Variants in PLXNA3 observed in about 807,000 individuals in gnomAD.
PLXNA3 encodes the protein plexin A3.
A neutral mutation model predicts 118.8 loss-of-function variants in PLXNA3; 52 were observed. The ratio of observed to expected loss-of-function variants is 0.44; its 90% CI spans 0.35 to 0.55. The LOEUF is 0.55. Ranked by LOEUF, PLXNA3 falls within the 20% of genes least tolerant of loss-of-function variation. The pLI is 0.01. For synonymous variants in PLXNA3, 925 were observed against 762.4 expected (o/e 1.21, Z -3.51); for missense variants, 1,660 against 1,730.8 (o/e 0.96, Z 0.73).
Position 154,461,521 on chromosome X carries a change from C to G in PLXNA3, c.1017C>G (p.Leu339=). ...ASPPRQTILC[L]FTLSNINAHI... is the part of the protein sequence containing the mutation. ...CACCCCGGCAGACCATCCTCTGCCT[C>G]TTCACCCTCAGCAACATCAATGCCC... Residue 339 remains leucine, a synonymous_variant, in exon 3 of 33, where the codon CTC becomes CTG. Coordinates refer to ENST00000369682, the MANE Select transcript of PLXNA3 (RefSeq NM_017514.5). 8.3e-7 allele frequency: 1 copy of G among 1,211,432 alleles called. No individual in the cohort carries two copies. Among genetic ancestry groups the G allele is most frequent in the Non-Finnish European group, 1.1e-6 (1 of 895,121 alleles).
In PLXNA3 at chrX:154,463,410, A is replaced by C; in HGVS notation, c.1337A>C (p.Gln446Pro). 1 of 1,210,558 alleles carries C rather than the reference A, an allele frequency of 8.3e-7. No individual in the cohort carries two copies. The highest frequency in any genetic ancestry group is 1.8e-5 in the South Asian group (1 of 56,923). ...GCTCAGGTGCGGGTCGATGGCTTCC[A>C]GGATGCCCACCTGTATGAGACAGTC... ...SLKKVRVDGF[Q>P]DAHLYETVPV... The change falls in exon 5 of 33, where the codon CAG (glutamine) becomes CCG (proline). Residue 446 changes from glutamine (Q) to proline (P), a missense_variant. By Grantham distance (76) the Gln-to-Pro change is moderately conservative. Transcript: ENST00000369682.
rs782356765 is a variant in PLXNA3, at chrX:154,471,225, C to T, written c.5277C>T (p.Cys1759=). ...TAGCCCAGACCTTCATGGACTCCTG[C>T]TCTACATCCGAGCACCGCCTGGGGA... ...SVVAQTFMDS[C]STSEHRLGKD... The change falls in exon 31 of 33, where the codon TGC becomes TGT. Residue 1759 remains cysteine (C), a synonymous_variant. Coordinates refer to ENST00000369682, the MANE Select transcript of PLXNA3 (RefSeq NM_017514.5). The T allele has an allele frequency of 8.3e-7, 1 of 1,211,421 alleles. No homozygotes were observed. The highest frequency in any genetic ancestry group is 2.2e-5 in the Admixed American group (1 of 46,100).
At chrX:154,458,646 T>C (rs1355820327) in intron 1 of PLXNA3, among the ~76,000 whole-genome samples, 2 of 112,005 alleles carry the variant, frequency 1.8e-5, no homozygotes, top group Non-Finnish European at 3.8e-5. Flanking sequence ...GAGCGGCCCC[T>C]CGGAGGATCA....
In PLXNA3 at chrX:154,472,667, C is replaced by G; in HGVS notation, c.5598C>G (p.Leu1866=). The G allele has an allele frequency of 3.3e-6, 4 of 1,197,420 alleles. No individual in the cohort carries two copies. The highest frequency in any genetic ancestry group is 4.5e-6 in the Non-Finnish European group (4 of 882,461). The change falls in exon 33 of 33, where the codon CTC becomes CTG. Residue 1866 remains leucine, a synonymous_variant. Transcript: ENST00000369682. ...LRQKLEQIIS[L]VSSDS is the part of the protein sequence containing the mutation. The stretch of plus-strand genomic sequence containing the variant: ...AGAAACTGGAACAGATCATCAGCCT[C>G]GTGTCCAGCGACAGCTAAGGTGGTG...
At position 154,468,314 on chromosome X, in the gene PLXNA3, C is replaced by A; in HGVS notation, c.3975C>A (p.Asn1325Lys). ...CCTGCTCCCCACAGACGCCACCCAA[C>A]GTGGAGAAGGCCCTGCGCCTCTTCG... The part of the protein sequence containing the change: ...PVLKELDTPP[N>K]VEKALRLFGQ... Residue 1325 changes from asparagine (N) to lysine (K), a missense_variant, in exon 23 of 33, where the codon AAC becomes AAA. Physicochemically the swap from Asn to Lys is moderately conservative, Grantham distance 94. Coordinates refer to ENST00000369682, the MANE Select transcript of PLXNA3 (RefSeq NM_017514.5). 8.3e-7 allele frequency: 1 copy of A among 1,204,100 alleles called. No homozygotes were observed. The highest frequency in any genetic ancestry group is 1.1e-6 in the Non-Finnish European group (1 of 890,859).
chrX:154,463,372 G>C lies in PLXNA3; in HGVS notation c.1318-19G>C. ...GGTGCAGGAGGCTGTGGTGGCATCA[G>C]GCTGGTCTTGTGGCTCAGGTGCGGG... is the stretch of plus-strand genomic sequence containing the variant. On this transcript the variant is annotated intron_variant, in intron 4 of 32. Coordinates refer to ENST00000369682, the MANE Select transcript of PLXNA3 (RefSeq NM_017514.5). 4.1e-6 allele frequency: 5 copies of C among 1,210,952 alleles called. No individual in the cohort carries two copies. In the Middle Eastern group the frequency reaches 9.2e-4, roughly 223 times the overall value.
chrX:154,468,210 C>G lies in PLXNA3; in HGVS notation c.3949C>G (p.Leu1317Val). ...LFPGIEAHPV[L>V]KELDTPPNVE... ...CCCGGGCATCGAGGCCCACCCGGTGCTCAAGGAGCTGGATGTGAGCCTCTG... is the reference window on the plus strand; with the variant it reads ...CCCGGGCATCGAGGCCCACCCGGTGGTCAAGGAGCTGGATGTGAGCCTCTG... The change falls in exon 22 of 33, where the codon CTC (leucine) becomes GTC (valine). Residue 1317 changes from leucine to valine, a missense_variant. Coordinates refer to ENST00000369682, the MANE Select transcript of PLXNA3 (RefSeq NM_017514.5). 1 of 1,180,252 alleles carries G rather than the reference C, an allele frequency of 8.5e-7. No homozygotes were observed. The highest frequency in any genetic ancestry group is 3.0e-5 in the East Asian group (1 of 33,573).
In PLXNA3 at chrX:154,468,987, C is replaced by T. The variant is rs782736884; in HGVS notation, c.4434+18C>T. On this transcript the variant is annotated intron_variant, in intron 25 of 32. Coordinates refer to ENST00000369682, the MANE Select transcript of PLXNA3 (RefSeq NM_017514.5). Reference sequence around the variant, plus strand: ...AGACACTGGTGAGCGCAGGGCCAGGCGGGCCAGAGGTAGGGGTGCAGAGAG... The same window carrying T: ...AGACACTGGTGAGCGCAGGGCCAGGTGGGCCAGAGGTAGGGGTGCAGAGAG... The T allele has an allele frequency of 1.1e-5, 13 of 1,209,515 alleles. No homozygotes were observed. Among genetic ancestry groups the T allele is most frequent in the South Asian group, 3.5e-5 (2 of 56,834 alleles).
rs2069086492 is a variant in PLXNA3, at chrX:154,466,416, C to T, written c.2840C>T (p.Ala947Val). 2.5e-6 allele frequency: 3 copies of T among 1,210,082 alleles called. No individual in the cohort carries two copies. Among genetic ancestry groups the T allele is most frequent in the South Asian group, 3.5e-5 (2 of 56,891 alleles). The change falls in exon 16 of 33, where the codon GCG (alanine) becomes GTG (valine). Residue 947 changes from alanine (A) to valine (V), a missense_variant. This residue lies in a region of PLXNA3 where 869 missense variants were observed against 1,078.7 expected (regional missense o/e 0.81). Coordinates refer to ENST00000369682, the MANE Select transcript of PLXNA3 (RefSeq NM_017514.5). Reference sequence around the variant, plus strand: ...CAAGTGAGTCCCAGCCGTGGCCCGGCGTCCGGGGGCACACGGCTTACCATC... The same window carrying T: ...CAAGTGAGTCCCAGCCGTGGCCCGGTGTCCGGGGGCACACGGCTTACCATC... ...FDQVSPSRGPASGGTRLTISG... is the reference protein window; with the variant it reads ...FDQVSPSRGPVSGGTRLTISG...
At position 154,461,189 on chromosome X, in the gene PLXNA3, G is replaced by T. The variant is rs149423704; in HGVS notation, c.685G>T (p.Gly229Cys). 1 of 1,211,405 alleles carries T rather than the reference G, an allele frequency of 8.3e-7. No homozygotes were observed. Among genetic ancestry groups the T allele is most frequent in the Admixed American group, 2.2e-5 (1 of 46,138 alleles). Residue 229 changes from glycine to cysteine, a missense_variant, in exon 3 of 33, where the codon GGC becomes TGC. Physicochemically the swap from Gly to Cys is radical, Grantham distance 159. Around this residue, in one of 2 missense-constraint regions of PLXNA3, gnomAD observed 791 missense variants for 652.1 expected, o/e 1.21. Transcript: ENST00000369682. ...TGCCTTTGACATCTACTACATCTACGGCTTCGTCAGCGCCTCCTTCGTGTA... is the reference window on the plus strand; with the variant it reads ...TGCCTTTGACATCTACTACATCTACTGCTTCGTCAGCGCCTCCTTCGTGTA... The part of the protein sequence containing the change: ...YPAFDIYYIY[G>C]FVSASFVYFL...
rs1557204240 is a variant in PLXNA3, at chrX:154,461,306, G to A, written c.802G>A (p.Gly268Arg). The A allele has an allele frequency of 3.3e-6, 4 of 1,212,206 alleles. No individual in the cohort carries two copies. Among genetic ancestry groups the A allele is most frequent in the East Asian group, 3.0e-5 (1 of 33,868 alleles). ...GTCCAAGATCGTGCGCATGTGCGCGGGAGACTCAGAGTTCTACTCATACGT... is the reference window on the plus strand; with the variant it reads ...GTCCAAGATCGTGCGCATGTGCGCGAGAGACTCAGAGTTCTACTCATACGT... ...FTSKIVRMCA[G>R]DSEFYSYVEF... The change falls in exon 3 of 33, where the codon GGA (glycine) becomes AGA (arginine). Residue 268 changes from glycine to arginine, a missense_variant. Around this residue, in one of 2 missense-constraint regions of PLXNA3, gnomAD observed 791 missense variants for 652.1 expected, o/e 1.21. Transcript: ENST00000369682.
Position 154,469,987 on chromosome X carries a change from C to T in PLXNA3, c.4806C>T (p.Leu1602=). The T allele has an allele frequency of 8.3e-7, 1 of 1,210,940 alleles. No individual in the cohort carries two copies. Among genetic ancestry groups the T allele is most frequent in the Non-Finnish European group, 1.1e-6 (1 of 895,091 alleles). Residue 1602 remains leucine (L), a synonymous_variant, in exon 29 of 33, where the codon CTC becomes CTT. Coordinates refer to ENST00000369682, the MANE Select transcript of PLXNA3 (RefSeq NM_017514.5). ...CATTCTCTGCTCCAGAGAGCTTGCT[C>T]CGCACGGCCAGCAGCCCTGATAGCC... ...TRSLSRYESL[L]RTASSPDSLR... is the part of the protein sequence containing the mutation.
rs1557211099 is a variant in PLXNA3, at chrX:154,477,686, A to G, written c.*5001A>G. On this transcript the variant is annotated 3_prime_UTR_variant, in exon 33 of 33. Transcript: ENST00000369682. ...TTCAATTTCCTTGTACTCCTTGAAT[A>G]TCTGAATTCTAGAACCCCCCCCCCA... 1.1e-5 allele frequency: 3 copies of G among 276,792 alleles called. No individual in the cohort carries two copies. The highest frequency in any genetic ancestry group is 1.9e-5 in the Non-Finnish European group (3 of 160,422). 22.8% of individuals were successfully genotyped at this position (276,792 alleles called of 1,213,427 possible).
rs150500748 is a variant in PLXNA3 at position 154,460,459 on chromosome X, C to T, written c.276C>T (p.Pro92=). The T allele has an allele frequency of 7.7e-4, 921 of 1,203,847 alleles. 1 individual carries two copies. The highest frequency in any genetic ancestry group is 1.4e-3 in the East Asian group (48 of 33,650). Residue 92 remains proline, a synonymous_variant, in exon 2 of 33, where the codon CCC becomes CCT. Coordinates refer to ENST00000369682, the MANE Select transcript of PLXNA3 (RefSeq NM_017514.5). Reference sequence around the variant, plus strand: ...GCGTGTGTGCCCACCGCCTGGCCCCCGTGGACAACATCAACAAGCTGCTGC... The same window carrying T: ...GCGTGTGTGCCCACCGCCTGGCCCCTGTGGACAACATCAACAAGCTGCTGC... ...SMRVCAHRLA[P]VDNINKLLLI...
chrX:154,464,069 G>T lies in PLXNA3; in HGVS notation c.1666G>T (p.Val556Leu). Residue 556 changes from valine (V) to leucine (L), a missense_variant, in exon 7 of 33, where the codon GTG becomes TTG. By Grantham distance (32) the Val-to-Leu change is conservative. Around this residue, in one of 2 missense-constraint regions of PLXNA3, gnomAD observed 791 missense variants for 652.1 expected, o/e 1.21. Transcript: ENST00000369682. ...CAATGTGTCAGTGACGTCACCTGGG[G>T]TGCAGGTGAGCAGCTTGGGGGTGCC... Reference protein sequence around the residue: ...PNNVSVTSPGVQLTVTLHNVP... With the variant: ...PNNVSVTSPGLQLTVTLHNVP... 1 of 1,210,913 alleles carries T rather than the reference G, an allele frequency of 8.3e-7. No individual in the cohort carries two copies. The highest frequency in any genetic ancestry group is 1.1e-6 in the Non-Finnish European group (1 of 895,007).
chrX:154,461,331 T>C lies in PLXNA3; in HGVS notation c.827T>C (p.Val276Ala), dbSNP rs374335521. 28 of 1,212,272 alleles carry C rather than the reference T, an allele frequency of 2.3e-5. No individual in the cohort carries two copies. The highest frequency in any genetic ancestry group is 3.0e-5 in the Non-Finnish European group (27 of 895,581). Reference sequence around the variant, plus strand: ...GGAGACTCAGAGTTCTACTCATACGTGGAATTCCCCATCGGCTGCTCCTGG... The same window carrying C: ...GGAGACTCAGAGTTCTACTCATACGCGGAATTCCCCATCGGCTGCTCCTGG... ...CAGDSEFYSY[V>A]EFPIGCSWRG... Residue 276 changes from valine to alanine, a missense_variant, in exon 3 of 33, where the codon GTG (valine) becomes GCG (alanine). Physicochemically the swap from Val to Ala is moderately conservative, Grantham distance 64 (BLOSUM62 0). Coordinates refer to ENST00000369682, the MANE Select transcript of PLXNA3 (RefSeq NM_017514.5).
rs782095175 is a variant in PLXNA3, at chrX:154,471,092, C to G, written c.5157-13C>G. Reference sequence around the variant, plus strand: ...TAGGGAGCCTCAGGCGCACGTCCCTCTGTTGTCCACAGCCTGCCGCTGCGC... The same window carrying G: ...TAGGGAGCCTCAGGCGCACGTCCCTGTGTTGTCCACAGCCTGCCGCTGCGC... On this transcript the variant is annotated splice_polypyrimidine_tract_variant and intron_variant, in intron 30 of 32. Transcript: ENST00000369682. 3.3e-6 allele frequency: 4 copies of G among 1,206,034 alleles called. No individual in the cohort carries two copies. Among genetic ancestry groups the G allele is most frequent in the Non-Finnish European group, 4.5e-6 (4 of 891,106 alleles).
chrX:154,469,598 T>A, intron 27 of PLXNA3, 90 bp from the exon 28 acceptor site: 1 of 750,521 alleles, frequency 1.3e-6, no homozygotes, highest in Non-Finnish European at 1.9e-6. Context: ...CTCCCTGGGC[T>A]CGTGGGCTCC....
rs1373950151 is a variant in PLXNA3, at chrX:154,476,605, C to T, written c.*3920C>T. ...ATCTTCATAAGCTGAAGGCCAGTGC[C>T]ACCGTCACCACTGGCAGAGCTCCCC... On this transcript the variant is annotated 3_prime_UTR_variant, in exon 33 of 33. Coordinates refer to ENST00000369682, the MANE Select transcript of PLXNA3 (RefSeq NM_017514.5). 1 of 112,047 alleles carries T rather than the reference C, an allele frequency of 8.9e-6. No individual in the cohort carries two copies. The highest frequency in any genetic ancestry group is 2.8e-4 in the East Asian group (1 of 3,623). 9.2% of individuals were successfully genotyped at this position (112,047 alleles called of 1,213,427 possible). A position where few individuals can be genotyped will look rare whatever the true frequency, so the allele number is the denominator to read the frequency against.
Sources: gnomAD v4.1 joint callset for allele counts (sites outside exome capture counted in the v4.1 genomes callset) on GRCh38, gnomAD v4.1.1 for gene constraint, gnomAD v4.1.1 regional missense constraint, MANE v1.5 for transcripts, NCBI Gene and HGNC (gene_info 2026-07-23, HGNC 2026-07-21) for gene names.